PKHD1L1: variants seen among roughly 807,000 people sequenced by gnomAD.
PKHD1L1 encodes the protein fibrocystin-L.
A neutral mutation model predicts 462.9 loss-of-function variants in PKHD1L1; 434 were observed. The ratio of observed to expected loss-of-function variants is 0.94; its 90% CI spans 0.87 to 1.02. PKHD1L1 has a LOEUF of 1.02. PKHD1L1 is among the 50% of genes least tolerant of loss of function. The probability of loss-of-function intolerance (pLI) is 0.00; values close to 1 mark genes in which losing one functional copy is unlikely to be tolerated. For synonymous variants in PKHD1L1, 1,781 were observed against 1,750.0 expected (o/e 1.02, Z -0.44); for missense variants, 5,202 against 5,096.1 (o/e 1.02, Z -0.63).
intron 77 of PKHD1L1, among the ~76,000 whole-genome samples, chr8:109,529,505 T>C (rs1020380646): frequency 1.3e-5 from 2 of 152,200 alleles, no homozygotes; most frequent in African/African-American, 4.8e-5. Context: ...TTGTGCATTT[T>C]GCATTGCCTC....
intron 21 of PKHD1L1, among the ~76,000 whole-genome samples, chr8:109,414,674 T>G (rs1359145148): frequency 6.6e-6 from 1 of 152,054 alleles, no homozygotes; most frequent in African/African-American, 2.4e-5. Flanking sequence ...AGAATAGAAC[T>G]CTGTAACTCA....
intron 17 of PKHD1L1, 117 bp from the exon 18 acceptor site, chr8:109,407,932 A>G (rs1418159486): frequency 4.2e-5 from 27 of 637,514 alleles, no homozygotes; most frequent in Non-Finnish European, 5.6e-5. Flanking sequence ...TGGAGCACCA[A>G]ATGAAACCAA....
chr8:109,505,764 G>T (rs1380797876), intron 68 of PKHD1L1, among the ~76,000 whole-genome samples: 11 of 151,354 alleles, frequency 7.3e-5, no homozygotes. Context: ...AATTAGCTGG[G>T]TGTGGTGGTG....
chr8:109,411,589 A>G (rs1328608447), intron 19 of PKHD1L1, among the ~76,000 whole-genome samples: 3 of 152,108 alleles, frequency 2.0e-5, no homozygotes, highest in African/African-American at 7.2e-5. Context: ...CCACCCTCAC[A>G]TGCATTTCCA....
At chr8:109,468,899 A>G (rs1338114297) in intron 50 of PKHD1L1, among the ~76,000 whole-genome samples, 1 of 152,182 alleles carries the variant, frequency 6.6e-6, no homozygotes, top group Non-Finnish European at 1.5e-5. Flanking sequence ...GGTAAGAAGC[A>G]GTGAATTTCT....
At chr8:109,512,189 T>C (rs375926851) in intron 71 of PKHD1L1, among the ~76,000 whole-genome samples, 26,939 of 151,556 alleles carry the variant, frequency 0.18, 2,552 homozygotes, top group South Asian at 0.36. Context: ...TGCAGAAGCT[T>C]TTTAGTTTAA....
intron 67 of PKHD1L1, among the ~76,000 whole-genome samples, chr8:109,503,228 C>G (rs1398193358): frequency 1.4e-5 from 2 of 142,608 alleles, no homozygotes; most frequent in African/African-American, 2.6e-5. Context: ...TTGCTTGAAC[C>G]CAGGAGGCGG....
intron 2 of PKHD1L1, among the ~76,000 whole-genome samples, chr8:109,377,906 T>G (rs796153551): frequency 3.9e-5 from 6 of 152,340 alleles, no homozygotes; most frequent in African/African-American, 1.4e-4. Flanking sequence ...CTATATTTAA[T>G]TACTTCCAAA....
chr8:109,454,621 C>T, intron 44 of PKHD1L1, 102 bp from the exon 45 acceptor site: 1 of 1,477,452 alleles, frequency 6.8e-7, no homozygotes, highest in South Asian at 1.3e-5. Flanking sequence ...GCAATTAATT[C>T]TCAAAAGAGA....
In PKHD1L1 at chr8:109,454,732, G is replaced by A. The variant is rs1816722413; in HGVS notation, c.6754G>A (p.Glu2252Lys). ...GTGACATCTTTTGCAGATTGGAACA[G>A]AGACATCCCCATTCCAACACAAGGC... ...TDGGVLQIGT[E>K]TSPFQHKAVI... The change falls in exon 45 of 78, where the codon GAG becomes AAG. Residue 2252 changes from glutamate to lysine, a missense_variant. By Grantham distance (56) the Glu-to-Lys change is moderately conservative. Coordinates refer to ENST00000378402, the MANE Select transcript of PKHD1L1 (RefSeq NM_177531.6). 7 of 1,613,632 alleles carry A rather than the reference G, an allele frequency of 4.3e-6. No individual in the cohort carries two copies. In the Admixed American group the frequency reaches 1.0e-4, roughly 23 times the overall value.
At position 109,464,689 on chromosome 8, in the gene PKHD1L1, A is replaced by G. The variant is rs1357170242; in HGVS notation, c.7857A>G (p.Gln2619=). 26 of 1,613,710 alleles carry G rather than the reference A, an allele frequency of 1.6e-5. No individual in the cohort carries two copies. The highest frequency in any genetic ancestry group is 1.7e-5 in the Non-Finnish European group (20 of 1,179,804). ...TTTTTAACAATACTGTCCATTCTCA[A>G]GGTTGGTTTGGAATGTGGATCTTTG... The part of the protein sequence containing the change: ...GEFFNNTVHS[Q]GWFGMWIFEE... The change falls in exon 49 of 78, where the codon CAA becomes CAG. Residue 2619 remains glutamine, a synonymous_variant. Transcript: ENST00000378402.
chr8:109,520,946 T>C (rs907975586), intron 73 of PKHD1L1, among the ~76,000 whole-genome samples: 1 of 151,970 alleles, frequency 6.6e-6, no homozygotes, highest in Non-Finnish European at 1.5e-5. Context: ...GAAGACAAAG[T>C]AGTAATAGTA....
chr8:109,476,172 A>G (rs1817976713), intron 51 of PKHD1L1, among the ~76,000 whole-genome samples: 1 of 151,922 alleles, frequency 6.6e-6, no homozygotes, highest in African/African-American at 2.4e-5. Context: ...AAATATATGC[A>G]TATATACACA....
rs1225640091 is a variant in PKHD1L1, at chr8:109,491,961, T to G, written c.10203T>G (p.Asp3401Glu). ...VWPGTYQNRK[D>E]LSSTLWHAAI... ...CAGGAACCTATCAGAACAGAAAAGA[T>G]TTAAGTTCAACTCTCTGGCATGCAG... Residue 3401 changes from aspartate to glutamate, a missense_variant, in exon 62 of 78, where the codon GAT becomes GAG. Physicochemically the swap from Asp to Glu is conservative, Grantham distance 45 (BLOSUM62 2). Transcript: ENST00000378402. 2 of 1,582,728 alleles carry G rather than the reference T, an allele frequency of 1.3e-6. No individual in the cohort carries two copies. The highest frequency in any genetic ancestry group is 1.7e-6 in the Non-Finnish European group (2 of 1,161,058).
chr8:109,451,101 G>A lies in PKHD1L1; in HGVS notation c.6302G>A (p.Gly2101Asp), dbSNP rs373156343. ...PLITAVSPKR[G>D]STAGGTRLTV... ...ATCACTGCAGTATCTCCTAAGAGAGGCAGTACAGCAGGGGGCACCAGACTG... is the reference window on the plus strand; with the variant it reads ...ATCACTGCAGTATCTCCTAAGAGAGACAGTACAGCAGGGGGCACCAGACTG... The change falls in exon 41 of 78, where the codon GGC becomes GAC. Residue 2101 changes from glycine to aspartate, a missense_variant. By Grantham distance (94) the Gly-to-Asp change is moderately conservative. Transcript: ENST00000378402. 1.9e-6 allele frequency: 3 copies of A among 1,613,076 alleles called. No individual in the cohort carries two copies. The African/African-American group carries it at 4.0e-5, about 22-fold the overall frequency.
At chr8:109,375,852 TC>T (rs1811791974) in intron 2 of PKHD1L1, among the ~76,000 whole-genome samples, 1 of 152,160 alleles carries the variant, frequency 6.6e-6, no homozygotes. Context: ...GCCTGATCGT[TC>T]CTCTGGAAGT....
chr8:109,445,534 A>C lies in PKHD1L1; in HGVS notation c.5665A>C (p.Thr1889Pro). Residue 1889 changes from threonine to proline, a missense_variant, in exon 38 of 78, where the codon ACT becomes CCT. Transcript: ENST00000378402. ...EVYCRTPAGT[T>P]GMVDVKIFVN... The stretch of plus-strand genomic sequence containing the variant: ...CTACTGCCGCACTCCCGCTGGGACC[A>C]CTGGAATGGTCGATGTTAAAATCTT... The C allele has an allele frequency of 6.2e-7, 1 of 1,613,478 alleles. No individual in the cohort carries two copies. Among genetic ancestry groups the C allele is most frequent in the Non-Finnish European group, 8.5e-7 (1 of 1,179,718 alleles).
intron 22 of PKHD1L1, among the ~76,000 whole-genome samples, chr8:109,419,829 A>C (rs1814373932): frequency 6.6e-6 from 1 of 152,190 alleles, no homozygotes; most frequent in South Asian, 2.1e-4. Context: ...TCACCTTAAA[A>C]GTGACTTTTC....
chr8:109,464,192 A>G, intron 48 of PKHD1L1, 24 bp from the exon 49 acceptor site: 2 of 1,510,900 alleles, frequency 1.3e-6, no homozygotes, highest in Non-Finnish European at 1.8e-6. Flanking sequence ...ATTACTAAAT[A>G]ACTGTGATTT....
Sources: gnomAD v4.1 joint callset for allele counts (sites outside exome capture counted in the v4.1 genomes callset) on GRCh38, gnomAD v4.1.1 for gene constraint, MANE v1.5 for transcripts, NCBI Gene and HGNC (gene_info 2026-07-23, HGNC 2026-07-21) for gene names.